Variants in PACSIN1 observed in about 807,000 individuals in gnomAD.
PACSIN1 encodes the protein protein kinase C and casein kinase substrate in neurons 1.
A neutral mutation model predicts 59.5 loss-of-function variants in PACSIN1; 15 were observed. That is an observed-to-expected ratio of 0.25 (90% CI 0.17 to 0.39). PACSIN1 has a LOEUF of 0.39. Ranked by LOEUF, PACSIN1 falls within the 10% of genes least tolerant of loss-of-function variation. The pLI is 1.00. For missense variants in PACSIN1, 420 were observed against 580.2 expected (o/e 0.72, Z 2.84); for synonymous variants, 210 against 220.6 (o/e 0.95, Z 0.42).
chr6:34,502,340 A>G (rs1328216653), intron 1 of PACSIN1, among the ~76,000 whole-genome samples: 4 of 152,080 alleles, frequency 2.6e-5, no homozygotes, highest in Admixed American at 6.6e-5. Context: ...TGTGCTGGAG[A>G]GACCACAATG....
At position 34,508,448 on chromosome 6, in the gene PACSIN1, G is replaced by C. The variant is rs982313949; in HGVS notation, c.-63-17795G>C. Among the ~76,000 whole-genome samples, 8 of 151,992 alleles carry C rather than the reference G, an allele frequency of 5.3e-5. No homozygotes were observed. The South Asian group carries it at 6.2e-4, about 12-fold the overall frequency. ...TTCTTTATTTTTATATTTATTTTTA[G>C]TAGAGACGAGGTCTCGCTATGTTAT... On this transcript the variant is annotated intron_variant, in intron 1 of 9. Transcript: ENST00000244458.
At chr6:34,475,503 G>A (rs1427630081) in intron 1 of PACSIN1, among the ~76,000 whole-genome samples, 1 of 151,756 alleles carries the variant, frequency 6.6e-6, no homozygotes, top group Non-Finnish European at 1.5e-5. Flanking sequence ...TCTAGATTAT[G>A]AACAGCCAGT....
intron 1 of PACSIN1, among the ~76,000 whole-genome samples, chr6:34,510,424 C>G (rs903630265): frequency 6.6e-6 from 1 of 152,236 alleles, no homozygotes; most frequent in Non-Finnish European, 1.5e-5. Context: ...TTCTTTATCA[C>G]TACCTCGTTT....
chr6:34,502,342 A>G (rs1199464741), intron 1 of PACSIN1, among the ~76,000 whole-genome samples: 1 of 152,088 alleles, frequency 6.6e-6, no homozygotes, highest in Non-Finnish European at 1.5e-5. Flanking sequence ...TGCTGGAGAG[A>G]CCACAATGAA....
At chr6:34,507,681 A>G (rs1767135687) in intron 1 of PACSIN1, among the ~76,000 whole-genome samples, 1 of 152,158 alleles carries the variant, frequency 6.6e-6, no homozygotes, top group African/African-American at 2.4e-5. Context: ...ATGAAGCTTT[A>G]TACCCATCGA....
rs1026919652 is a variant in PACSIN1 at position 34,514,062 on chromosome 6, G to A, written c.-63-12181G>A. Among the ~76,000 whole-genome samples the A allele has an allele frequency of 1.3e-5, 2 of 151,814 alleles. No individual in the cohort carries two copies. Among genetic ancestry groups the A allele is most frequent in the African/African-American group, 4.9e-5 (2 of 41,098 alleles). Reference sequence around the variant, plus strand: ...ATGCTGATATTAGTGTCACAGTTACGTGTGTGTGTGTTATAGGTGCACTGT... The same window carrying A: ...ATGCTGATATTAGTGTCACAGTTACATGTGTGTGTGTTATAGGTGCACTGT... On this transcript the variant is annotated intron_variant, in intron 1 of 9. Transcript: ENST00000244458. The surrounding 1 kb of genome is among the most constrained non-coding windows in gnomAD (Gnocchi z 4.4).
chr6:34,531,605 G>T lies in PACSIN1; in HGVS notation c.1043G>T (p.Ser348Ile). The change falls in exon 9 of 10, where the codon AGC (serine) becomes ATC (isoleucine). Residue 348 changes from serine (S) to isoleucine (I), a missense_variant. Transcript: ENST00000244458. This position sits in a 1 kb window ranked among gnomAD's most constrained non-coding sequence, Gnocchi z 4.4. ...CTCCTTCCTCCGCGTCTCAGTGTTAGCAGCTACGACAGAGGCCAGCCCTAC... is the reference window on the plus strand; with the variant it reads ...CTCCTTCCTCCGCGTCTCAGTGTTATCAGCTACGACAGAGGCCAGCCCTAC... ...TSQAGDRGSVSSYDRGQPYAT... is the reference protein window; with the variant it reads ...TSQAGDRGSVISYDRGQPYAT... 1 of 1,613,832 alleles carries T rather than the reference G, an allele frequency of 6.2e-7. No individual in the cohort carries two copies. Among genetic ancestry groups the T allele is most frequent in the Non-Finnish European group, 8.5e-7 (1 of 1,179,982 alleles).
At chr6:34,466,618 G>A (rs1350377602) in intron 1 of PACSIN1, among the ~76,000 whole-genome samples, 1 of 152,228 alleles carries the variant, frequency 6.6e-6, no homozygotes, top group Non-Finnish European at 1.5e-5. Flanking sequence ...CTACCAGAAG[G>A]GGTGGGTGGG....
At chr6:34,491,009 C>T (rs1320577634) in intron 1 of PACSIN1, among the ~76,000 whole-genome samples, 2 of 151,956 alleles carry the variant, frequency 1.3e-5, no homozygotes, top group African/African-American at 4.8e-5. Context: ...GGGGAGTGCT[C>T]GCCGGGGGTC....
Position 34,509,446 on chromosome 6 carries a change from G to A in PACSIN1, c.-63-16797G>A, listed in dbSNP as rs73407709. Among the ~76,000 whole-genome samples, 1,327 of 152,228 alleles carry A rather than the reference G, an allele frequency of 8.7e-3. 22 individuals carry two copies. The highest frequency in any genetic ancestry group is 0.03 in the African/African-American group (1,243 of 41,528). Reference sequence around the variant, plus strand: ...TGCATATATGTCTGTTTTTATGACAGTACCATGCTGTTTTAATTACTGCAA... The same window carrying A: ...TGCATATATGTCTGTTTTTATGACAATACCATGCTGTTTTAATTACTGCAA... On this transcript the variant is annotated intron_variant, in intron 1 of 9. Transcript: ENST00000244458.
Position 34,527,330 on chromosome 6 carries a change from A to G in PACSIN1, c.64-2A>G. The G allele has an allele frequency of 1.9e-6, 3 of 1,565,744 alleles. No individual in the cohort carries two copies. The highest frequency in any genetic ancestry group is 1.7e-6 in the Non-Finnish European group (2 of 1,156,060). Reference sequence around the variant, plus strand: ...GAGTGGTGCTCGCTGCTTGGCCGCCAGGTGGGGAACTACAAGCGGACCGTG... The same window carrying G: ...GAGTGGTGCTCGCTGCTTGGCCGCCGGGTGGGGAACTACAAGCGGACCGTG... On this transcript the variant is annotated splice_acceptor_variant, in intron 2 of 9. Coordinates refer to ENST00000244458, the MANE Select transcript of PACSIN1 (RefSeq NM_020804.5). LOFTEE classifies it high-confidence loss of function.
At chr6:34,519,422 G>A (rs576868380) in intron 1 of PACSIN1, among the ~76,000 whole-genome samples, 1 of 152,282 alleles carries the variant, frequency 6.6e-6, no homozygotes, top group African/African-American at 2.4e-5. Context: ...AGGTCCAGGG[G>A]ACTGGTTTTC....
intron 1 of PACSIN1, among the ~76,000 whole-genome samples, chr6:34,510,610 T>TA (rs1197471424): frequency 6.6e-6 from 1 of 152,222 alleles, no homozygotes; most frequent in Non-Finnish European, 1.5e-5. Context: ...AATCATCACA[T>TA]ACCTCCCTTT....
At chr6:34,491,760 C>T (rs1047188858) in intron 1 of PACSIN1, among the ~76,000 whole-genome samples, 2 of 151,874 alleles carry the variant, frequency 1.3e-5, no homozygotes, top group African/African-American at 2.4e-5. Context: ...TACAGGCACC[C>T]GCCAACATGC....
chr6:34,466,546 G>A (rs986173218), intron 1 of PACSIN1, among the ~76,000 whole-genome samples: 1 of 152,190 alleles, frequency 6.6e-6, no homozygotes, highest in Admixed American at 6.5e-5. Context: ...CAGGAAAAGC[G>A]CCGGAAATAG....
At chr6:34,470,582 A>G (rs959725900) in intron 1 of PACSIN1, among the ~76,000 whole-genome samples, 2 of 150,162 alleles carry the variant, frequency 1.3e-5, no homozygotes, top group Non-Finnish European at 1.5e-5. Context: ...TGACACCATC[A>G]TAGCTCACTG....
rs1161509971 is a variant in PACSIN1 at position 34,514,994 on chromosome 6, C to A, written c.-63-11249C>A. The A allele has an allele frequency of 6.6e-6, 1 of 152,372 alleles. No homozygotes were observed. Among genetic ancestry groups the A allele is most frequent in the Non-Finnish European group, 1.5e-5 (1 of 68,192 alleles). The allele number at this position is 152,372 out of a possible 1,614,324, so 9.4% of individuals were successfully genotyped here. On this transcript the variant is annotated intron_variant, in intron 1 of 9. Transcript: ENST00000244458. The surrounding 1 kb of genome is among the most constrained non-coding windows in gnomAD (Gnocchi z 4.4). ...CGGAGGAGAAGGAGGACAGCCAGCC[C>A]CTCCAGCCCTGGCCTGGCCCAGCGG...
chr6:34,518,827 T>C lies in PACSIN1; in HGVS notation c.-63-7416T>C, dbSNP rs1156382774. ...ATATTTATTGTATTTTCTTCTTGGC[T>C]TTTTGCCCATGCTGGAATGTAAGCT... On this transcript the variant is annotated intron_variant, in intron 1 of 9. Coordinates refer to ENST00000244458, the MANE Select transcript of PACSIN1 (RefSeq NM_020804.5). The surrounding 1 kb of genome is among the most constrained non-coding windows in gnomAD (Gnocchi z 4.4). 6.6e-6 allele frequency among the ~76,000 whole-genome samples: 1 copy of C among 152,196 alleles called. No individual in the cohort carries two copies. Among genetic ancestry groups the C allele is most frequent in the African/African-American group, 2.4e-5 (1 of 41,434 alleles).
intron 1 of PACSIN1, among the ~76,000 whole-genome samples, chr6:34,492,865 C>A (rs1315719947): frequency 6.6e-6 from 1 of 152,218 alleles, no homozygotes; most frequent in Non-Finnish European, 1.5e-5. Context: ...GGATAGTATG[C>A]TCACTACCTG....
Sources: allele counts gnomAD v4.1 joint callset (sites outside exome capture counted in the v4.1 genomes callset), GRCh38; gene constraint gnomAD v4.1.1; non-coding constraint Gnocchi (gnomAD v3.1); transcripts MANE v1.5; gene names NCBI Gene and HGNC (gene_info 2026-07-23, HGNC 2026-07-21).